The following ARHGAP21 variants were observed in gnomAD, a reference collection of about 807,000 sequenced individuals.
ARHGAP21 encodes rho GTPase-activating protein 21.
ARHGAP21 carries 38 observed loss-of-function variants against 164.6 expected under a neutral mutation model. The ratio of observed to expected loss-of-function variants is 0.23; its 90% CI spans 0.18 to 0.30. The LOEUF is 0.30. Ranked by LOEUF, ARHGAP21 falls within the 10% of genes least tolerant of loss-of-function variation. The pLI is 1.00. For missense variants in ARHGAP21, 1,822 were observed against 2,370.7 expected (o/e 0.77, Z 4.81); for synonymous variants, 766 against 857.9 (o/e 0.89, Z 1.87).
intron 17 of ARHGAP21, 107 bp downstream of exon 17, chr10:24,596,633 A>G: frequency 6.7e-7 from 1 of 1,490,404 alleles, no homozygotes; most frequent in Admixed American, 2.2e-5. Flanking sequence ...ATGAAAAGGA[A>G]AACAGATTGA....
intron 2 of ARHGAP21, among the ~76,000 whole-genome samples, chr10:24,703,306 C>T (rs916556614): frequency 2.0e-5 from 3 of 152,084 alleles, no homozygotes; most frequent in African/African-American, 7.2e-5. Flanking sequence ...TAATGTAAAT[C>T]TCATATAACA....
chr10:24,596,710 G>T, intron 17 of ARHGAP21, 30 bp downstream of exon 17: 6 of 1,613,098 alleles, frequency 3.7e-6, no homozygotes, highest in Non-Finnish European at 5.1e-6. Context: ...TTAATGACTT[G>T]AGGAAATCCG....
chr10:24,720,048 T>G (rs1454889575), intron 2 of ARHGAP21, among the ~76,000 whole-genome samples: 1 of 152,174 alleles, frequency 6.6e-6, no homozygotes, highest in Admixed American at 6.5e-5. Context: ...CAGGTGATAT[T>G]GTGTTTTCTT....
chr10:24,601,834 T>G lies in ARHGAP21; in HGVS notation c.2847+144A>C, dbSNP rs537036648. The G allele has an allele frequency of 4.7e-5, 50 of 1,058,148 alleles. No individual in the cohort carries two copies. In the African/African-American group the frequency reaches 7.9e-4, roughly 17 times the overall value. 65.5% of individuals were successfully genotyped at this position (1,058,148 alleles called of 1,614,324 possible). On this transcript the variant is annotated intron_variant, in intron 13 of 25. Coordinates refer to ENST00000396432, the MANE Select transcript of ARHGAP21 (RefSeq NM_020824.4). Reference sequence around the variant, plus strand: ...AGAATTTTTTTAAGGAATACTTTTTTTAATGTAGAAAAATCTATTTATAAA... The same window carrying G: ...AGAATTTTTTTAAGGAATACTTTTTGTAATGTAGAAAAATCTATTTATAAA...
At chr10:24,588,206 G>A (rs1435586770) in intron 25 of ARHGAP21, among the ~76,000 whole-genome samples, 1 of 152,202 alleles carries the variant, frequency 6.6e-6, no homozygotes, top group African/African-American at 2.4e-5. Flanking sequence ...AGTTTCCTGA[G>A]TATGAAAATT....
intron 7 of ARHGAP21, 170 bp downstream of exon 7, chr10:24,629,826 C>G: frequency 1.5e-6 from 1 of 676,028 alleles, no homozygotes. Context: ...AAAAACTTGG[C>G]AATGGTATTT....
At chr10:24,617,730 T>A (rs1834113023) in intron 9 of ARHGAP21, among the ~76,000 whole-genome samples, 1 of 151,948 alleles carries the variant, frequency 6.6e-6, no homozygotes, top group Non-Finnish European at 1.5e-5. Context: ...TTGATAGCTT[T>A]AAAAATGTTT....
intron 4 of ARHGAP21, among the ~76,000 whole-genome samples, chr10:24,637,866 AT>A (rs11358986): frequency 0.056 from 7,826 of 139,606 alleles, 429 homozygotes; most frequent in African/African-American, 0.15. Flanking sequence ...TCTTGCTCAC[AT>A]TTTTTTTTTT....
In ARHGAP21 at chr10:24,585,619, G is replaced by A; in HGVS notation, c.4670C>T (p.Ser1557Phe). Residue 1557 changes from serine (S) to phenylalanine (F), a missense_variant, in exon 26 of 26, where the codon TCC (serine) becomes TTC (phenylalanine). By Grantham distance (155) the Ser-to-Phe change is radical. This residue lies in a region of ARHGAP21 where 333 missense variants were observed against 383.9 expected (regional missense o/e 0.87). Transcript: ENST00000396432. ...TTTCTTCATGGAAAACCTTGCCAGG[G>A]AGGCCTGGGAAGACGTGCTGAGCAA... is the stretch of plus-strand genomic sequence containing the variant. The part of the protein sequence containing the change: ...GTLLSTSSQA[S>F]LARFSMKKST... The A allele has an allele frequency of 1.2e-6, 2 of 1,614,180 alleles. No individual in the cohort carries two copies. The highest frequency in any genetic ancestry group is 1.7e-6 in the Non-Finnish European group (2 of 1,180,028).
intron 2 of ARHGAP21, among the ~76,000 whole-genome samples, chr10:24,710,431 A>C (rs545782097): frequency 4.6e-4 from 70 of 152,284 alleles, no homozygotes; most frequent in Admixed American, 2.2e-3. Flanking sequence ...TGATCTCTAC[A>C]GTAGGTGAGG....
At chr10:24,663,980 G>A (rs959792105) in intron 4 of ARHGAP21, among the ~76,000 whole-genome samples, 1 of 152,182 alleles carries the variant, frequency 6.6e-6, no homozygotes, top group Non-Finnish European at 1.5e-5. Context: ...CCTCCAGGGA[G>A]CAATATCATC....
At chr10:24,686,687 C>T (rs906306924) in intron 2 of ARHGAP21, among the ~76,000 whole-genome samples, 3 of 152,112 alleles carry the variant, frequency 2.0e-5, no homozygotes, top group Non-Finnish European at 2.9e-5. Context: ...TTTTCCTGAA[C>T]GATTCATGGA....
At chr10:24,691,092 G>C (rs1351950277) in intron 2 of ARHGAP21, among the ~76,000 whole-genome samples, 1 of 152,130 alleles carries the variant, frequency 6.6e-6, no homozygotes, top group Non-Finnish European at 1.5e-5. Flanking sequence ...TGGAAAGGAA[G>C]CTTAAAATAC....
intron 13 of ARHGAP21, among the ~76,000 whole-genome samples, chr10:24,601,337 T>C (rs1316998311): frequency 6.6e-6 from 1 of 152,222 alleles, no homozygotes; most frequent in African/African-American, 2.4e-5. Context: ...AACAATTGTA[T>C]ACATAACTAA....
At chr10:24,654,708 A>C (rs1253809760) in intron 4 of ARHGAP21, among the ~76,000 whole-genome samples, 1 of 152,246 alleles carries the variant, frequency 6.6e-6, no homozygotes, top group Non-Finnish European at 1.5e-5. Context: ...AGTAATTTAT[A>C]GATTCAATGC....
chr10:24,698,739 G>A (rs1246776514), intron 2 of ARHGAP21, among the ~76,000 whole-genome samples: 2 of 152,178 alleles, frequency 1.3e-5, no homozygotes, highest in African/African-American at 4.8e-5. Context: ...AACCATCAAT[G>A]TGAACTAAAA....
In ARHGAP21 at chr10:24,619,958, A is replaced by G; in HGVS notation, c.1937T>C (p.Ile646Thr). Reference protein sequence around the residue: ...PSFSQKSFVSIKDQRPVNHLH... With the variant: ...PSFSQKSFVSTKDQRPVNHLH... ...GTGATTTACTGGTCTTTGGTCTTTG[A>G]TAGAAACAAATGATTTCTGGCTAAA... The change falls in exon 9 of 26, where the codon ATC (isoleucine) becomes ACC (threonine). Residue 646 changes from isoleucine to threonine, a missense_variant. By Grantham distance (89) the Ile-to-Thr change is moderately conservative (BLOSUM62 -1). Around this residue, in one of 5 missense-constraint regions of ARHGAP21, gnomAD observed 1,090 missense variants for 1,378.9 expected, o/e 0.79. Transcript: ENST00000396432. The G allele has an allele frequency of 6.2e-7, 1 of 1,614,080 alleles. No individual in the cohort carries two copies.
chr10:24,706,759 A>G (rs1844261887), intron 2 of ARHGAP21: 1 of 152,318 alleles, frequency 6.6e-6, no homozygotes, highest in Admixed American at 6.5e-5. Flanking sequence ...TCATCTTCCC[A>G]AATGTAGTTC....
chr10:24,634,011 T>C (rs922678357), intron 5 of ARHGAP21, among the ~76,000 whole-genome samples: 1 of 147,982 alleles, frequency 6.8e-6, no homozygotes, highest in Non-Finnish European at 1.5e-5. Context: ...CTCTTTCTAC[T>C]CTGAGTAGAG....
Sources: gnomAD v4.1 joint callset for allele counts (sites outside exome capture counted in the v4.1 genomes callset) on GRCh38, gnomAD v4.1.1 for gene constraint, gnomAD v4.1.1 regional missense constraint, MANE v1.5 for transcripts, NCBI Gene and HGNC (gene_info 2026-07-23, HGNC 2026-07-21) for gene names.